The following DSCAM variants were observed in gnomAD, a reference collection of about 807,000 sequenced individuals.
The protein encoded by DSCAM is DS cell adhesion molecule, also known as cell adhesion molecule DSCAM.
In DSCAM, 47 loss-of-function variants were observed where a neutral mutation model predicts 217.7. The ratio of observed to expected loss-of-function variants is 0.22; its 90% CI spans 0.17 to 0.28. DSCAM has a LOEUF of 0.28. DSCAM is among the 10% of genes least tolerant of loss of function. The probability of loss-of-function intolerance (pLI) is 1.00; values close to 1 mark genes in which losing one functional copy is unlikely to be tolerated. For synonymous variants in DSCAM, 1,056 were observed against 1,015.3 expected, an observed-to-expected ratio of 1.04 and a Z score of -0.76; for missense variants, 2,080 against 2,618.3, an observed-to-expected ratio of 0.79 and a Z score of 4.49.
chr21:40,033,581 G>A (rs150275240), intron 32 of DSCAM, among the ~76,000 whole-genome samples: 6,186 of 151,544 alleles, frequency 0.041, 792 homozygotes, highest in East Asian at 0.4. Context: ...ACTGCAAGGC[G>A]GCAGTGAGGC....
chr21:40,298,083 AC>A (rs1179357888), intron 9 of DSCAM, among the ~76,000 whole-genome samples: 1 of 127,814 alleles, frequency 7.8e-6, no homozygotes, highest in Non-Finnish European at 1.6e-5. Context: ...TTTAGCTTTT[AC>A]TTTTTTTTTT....
intron 3 of DSCAM, among the ~76,000 whole-genome samples, chr21:40,481,644 T>C (rs957631858): frequency 6.8e-6 from 1 of 147,546 alleles, no homozygotes; most frequent in South Asian, 2.1e-4. Flanking sequence ...TGACCAAAAA[T>C]AATCCAACAA....
At chr21:40,643,001 C>G (rs1306069577) in intron 3 of DSCAM, among the ~76,000 whole-genome samples, 1 of 152,168 alleles carries the variant, frequency 6.6e-6, no homozygotes, top group Non-Finnish European at 1.5e-5. Flanking sequence ...TAGGCTGGGG[C>G]TGCTGTGTGT....
intron 11 of DSCAM, among the ~76,000 whole-genome samples, chr21:40,198,525 C>T (rs2091038531): frequency 6.6e-6 from 1 of 152,212 alleles, no homozygotes; most frequent in Admixed American, 6.5e-5. Flanking sequence ...TGGAGACCCA[C>T]CCTGCCCGGT....
At chr21:40,141,694 G>T (rs547203160) in intron 18 of DSCAM, among the ~76,000 whole-genome samples, 3 of 151,950 alleles carry the variant, frequency 2.0e-5, no homozygotes, top group Non-Finnish European at 4.4e-5. Flanking sequence ...GCTGGAAATG[G>T]AGGGCAGGGG....
intron 8 of DSCAM, among the ~76,000 whole-genome samples, chr21:40,327,055 T>C (rs2074325492): frequency 6.6e-6 from 1 of 151,960 alleles, no homozygotes; most frequent in Non-Finnish European, 1.5e-5. Flanking sequence ...TTACATGTGT[T>C]TTGAGTCAAT....
Position 40,846,728 on chromosome 21 carries a change from C to G in DSCAM, c.-67G>C. On this transcript the variant is annotated 5_prime_UTR_variant, in exon 1 of 33. Coordinates refer to ENST00000400454, the MANE Select transcript of DSCAM (RefSeq NM_001389.5). The stretch of plus-strand genomic sequence containing the variant: ...CTCGCCCCCCGCGCTCCGCCCGGCC[C>G]GGCTCCGCTCGCCGCTCGGCACCTG... 7.4e-6 allele frequency: 6 copies of G among 810,640 alleles called. No individual in the cohort carries two copies. The highest frequency in any genetic ancestry group is 9.1e-6 in the Non-Finnish European group (6 of 658,830). The allele number at this position is 810,640 out of a possible 1,614,324, so 50.2% of individuals were successfully genotyped here. A position where few individuals can be genotyped will look rare whatever the true frequency, so the allele number is the denominator to read the frequency against.
Position 40,187,208 on chromosome 21 carries a change from A to G in DSCAM, c.2702T>C (p.Ile901Thr), listed in dbSNP as rs1378010150. ...AAACCCCATGGTCCACCTGAGCGTA[A>G]TTGTGCGTGCTTTGACATCTTTGAT... is the stretch of plus-strand genomic sequence containing the variant. ...IEIKDVKART[I>T]TLRWTMGFDG... The change falls in exon 14 of 33, where the codon ATT (isoleucine) becomes ACT (threonine). Residue 901 changes from isoleucine (I) to threonine (T), a missense_variant. Physicochemically the swap from Ile to Thr is moderately conservative, Grantham distance 89. Around this residue, in one of 5 missense-constraint regions of DSCAM, gnomAD observed 1,144 missense variants for 1,421.1 expected, o/e 0.81. Coordinates refer to ENST00000400454, the MANE Select transcript of DSCAM (RefSeq NM_001389.5). The G allele has an allele frequency of 1.9e-6, 3 of 1,614,060 alleles. No individual in the cohort carries two copies. The highest frequency in any genetic ancestry group is 1.1e-5 in the South Asian group (1 of 91,066).
At chr21:40,773,111 C>G (rs1017686714) in intron 1 of DSCAM, among the ~76,000 whole-genome samples, 1 of 152,364 alleles carries the variant, frequency 6.6e-6, no homozygotes, top group Admixed American at 6.5e-5. Context: ...CCCTGACTTA[C>G]GCAGCTCCCC....
chr21:40,787,022 A>T (rs562218756), intron 1 of DSCAM, among the ~76,000 whole-genome samples: 3 of 152,222 alleles, frequency 2.0e-5, no homozygotes, highest in Admixed American at 1.3e-4. Context: ...TTTGAAACGT[A>T]TGGCAATTTT....
chr21:40,485,282 A>G (rs1288417881), intron 3 of DSCAM, among the ~76,000 whole-genome samples: 1 of 129,278 alleles, frequency 7.7e-6, no homozygotes, highest in Non-Finnish European at 1.6e-5. Flanking sequence ...GCTGTCGCCC[A>G]GGCTGGAGTG....
intron 29 of DSCAM, 34 bp downstream of exon 29, chr21:40,055,691 C>A (rs2089005206): frequency 1.3e-6 from 2 of 1,544,302 alleles, no homozygotes; most frequent in Non-Finnish European, 1.8e-6. Flanking sequence ...CTGTGGCAGC[C>A]ACTTTGTGTA....
At chr21:40,021,984 C>T (rs1288015795) in intron 32 of DSCAM, among the ~76,000 whole-genome samples, 1 of 152,236 alleles carries the variant, frequency 6.6e-6, no homozygotes, top group Non-Finnish European at 1.5e-5. Context: ...TCAATCTATT[C>T]AGACACACGC....
chr21:40,648,324 T>G (rs1310393625), intron 3 of DSCAM, among the ~76,000 whole-genome samples: 1 of 151,888 alleles, frequency 6.6e-6, no homozygotes, highest in Non-Finnish European at 1.5e-5. Context: ...TAGCATTGTT[T>G]ACCCAACTGT....
intron 10 of DSCAM, among the ~76,000 whole-genome samples, chr21:40,282,448 G>C (rs892987998): frequency 6.6e-6 from 1 of 151,418 alleles, no homozygotes; most frequent in Non-Finnish European, 1.5e-5. Context: ...AAAATTAGCC[G>C]GGCGTGGTAG....
chr21:40,233,451 T>A (rs2091399455), intron 11 of DSCAM, among the ~76,000 whole-genome samples: 1 of 152,200 alleles, frequency 6.6e-6, no homozygotes, highest in East Asian at 1.9e-4. Context: ...GAGGCAATTT[T>A]GGTCAAATTT....
chr21:40,502,129 A>ATT (rs2076174660), intron 3 of DSCAM, among the ~76,000 whole-genome samples: 1 of 152,186 alleles, frequency 6.6e-6, no homozygotes, highest in Non-Finnish European at 1.5e-5. Context: ...TCATGTTTTA[A>ATT]AATTATTAAT....
chr21:40,339,266 G>A lies in DSCAM; in HGVS notation c.1360C>T (p.Arg454Cys). ...DDPILKGGSH[R>C]ISQMITSEGN... ...TCCGACGTGATCATCTGGCTGATGC[G>A]GTGACTGCCACCCTTGAGAATCGGG... Residue 454 changes from arginine to cysteine, a missense_variant, in exon 7 of 33, where the codon CGC becomes TGC. Coordinates refer to ENST00000400454, the MANE Select transcript of DSCAM (RefSeq NM_001389.5). The A allele has an allele frequency of 2.5e-6, 4 of 1,614,176 alleles. No homozygotes were observed. The highest frequency in any genetic ancestry group is 1.3e-5 in the African/African-American group (1 of 75,036).
At chr21:40,232,743 T>C (rs1459499433) in intron 11 of DSCAM, among the ~76,000 whole-genome samples, 1 of 152,184 alleles carries the variant, frequency 6.6e-6, no homozygotes, top group East Asian at 1.9e-4. Flanking sequence ...ATATTTGTAA[T>C]TCTAATTTAA....
Sources: allele counts gnomAD v4.1 joint callset (sites outside exome capture counted in the v4.1 genomes callset), GRCh38; gene constraint gnomAD v4.1.1; regional missense constraint gnomAD v4.1.1; transcripts MANE v1.5; gene names NCBI Gene and HGNC (gene_info 2026-07-23, HGNC 2026-07-21).